Variants in CTCF observed in about 807,000 individuals in gnomAD.
CTCF encodes the protein transcriptional repressor CTCF.
In CTCF, 7 loss-of-function variants were observed where a neutral mutation model predicts 72.3. The observed-to-expected ratio is 0.10, with a 90% confidence interval of 0.06 to 0.18. The LOEUF (loss-of-function observed/expected upper bound fraction) is 0.18, where lower values mean the gene tolerates loss of function less well. Among genes scored for constraint, CTCF ranks in the 10% least tolerant of loss-of-function variants. The probability of loss-of-function intolerance (pLI) is 1.00; values close to 1 mark genes in which losing one functional copy is unlikely to be tolerated. For missense variants in CTCF, 516 were observed against 949.1 expected, an observed-to-expected ratio of 0.54 and a Z score of 6.00; for synonymous variants, 374 against 315.8, an observed-to-expected ratio of 1.18 and a Z score of -1.95.
intron 2 of CTCF, among the ~76,000 whole-genome samples, chr16:67,596,456 A>G (rs1487188553): frequency 1.3e-5 from 2 of 152,134 alleles, no homozygotes; most frequent in Admixed American, 6.6e-5. Context: ...TTTTACAGTT[A>G]TACATATGAT....
intron 5 of CTCF, among the ~76,000 whole-genome samples, chr16:67,620,385 G>C (rs1415652553): frequency 6.6e-6 from 1 of 151,932 alleles, no homozygotes. Flanking sequence ...ATTGTTAGTA[G>C]ATACGGGGTC....
chr16:67,604,876 AG>A (rs1247992036), intron 2 of CTCF, among the ~76,000 whole-genome samples: 1 of 151,240 alleles, frequency 6.6e-6, no homozygotes, highest in African/African-American at 2.4e-5. Context: ...TATATTCTAA[AG>A]ATAATCTGTC....
At chr16:67,582,404 G>A (rs764886887) in intron 2 of CTCF, among the ~76,000 whole-genome samples, 21 of 151,472 alleles carry the variant, frequency 1.4e-4, no homozygotes, top group Non-Finnish European at 2.2e-4. Flanking sequence ...TCTAAAATAC[G>A]AGCATTGGCC....
intron 10 of CTCF, 39 bp from the exon 11 acceptor site, chr16:67,636,651 C>T (rs768510962): frequency 2.8e-5 from 43 of 1,528,878 alleles, no homozygotes; most frequent in Non-Finnish European, 3.7e-5. Flanking sequence ...CCACCCTTCT[C>T]CTTGCCCCAC....
intron 2 of CTCF, among the ~76,000 whole-genome samples, chr16:67,605,847 G>A (rs1476188025): frequency 6.6e-6 from 1 of 152,180 alleles, no homozygotes; most frequent in African/African-American, 2.4e-5. Context: ...AGTAGGAACT[G>A]TGTCTGGATG....
rs1567616725 is a variant in CTCF, at chr16:67,629,745, C to CTTTTTTTTT, written c.1837+212_1837+213insTTTTTTTTT. On this transcript the variant is annotated intron_variant, in intron 10 of 11. Coordinates refer to ENST00000264010, the MANE Select transcript of CTCF (RefSeq NM_006565.4). ...TTCGTGGCATTCCGCTCATTAATGCCCTTTTTTTTTTTTTTTTTTTTTTTT... is the reference window on the plus strand; with the variant it reads ...TTCGTGGCATTCCGCTCATTAATGCCTTTTTTTTTCTTTTTTTTTTTTTTTTTTTTTTTT... Among the ~76,000 whole-genome samples the CTTTTTTTTT allele has an allele frequency of 2.1e-4, 18 of 85,064 alleles. 2 individuals are homozygous for CTTTTTTTTT. Among genetic ancestry groups the CTTTTTTTTT allele is most frequent in the South Asian group, 4.0e-4 (1 of 2,472 alleles). The allele number at this position is 85,064 out of a possible 152,430, so 55.8% of individuals were successfully genotyped here.
intron 2 of CTCF, among the ~76,000 whole-genome samples, chr16:67,583,067 C>T (rs1567595951): frequency 1.3e-5 from 2 of 150,916 alleles, no homozygotes; most frequent in African/African-American, 2.4e-5. Flanking sequence ...TCACTGCAAC[C>T]TCCGCCTCCC....
chr16:67,624,069 A>ATGTGTG lies in CTCF; in HGVS notation c.1357+2479_1357+2480insGTGTGT, dbSNP rs1482127509. On this transcript the variant is annotated intron_variant, in intron 7 of 11. Transcript: ENST00000264010. ...TCTCAAAAAAAAAAAAAAAAATTAT[A>ATGTGTG]TATGTGTGTGTGTGTGTGTGTGTGT... is the stretch of plus-strand genomic sequence containing the variant. Among the ~76,000 whole-genome samples, 256 of 91,444 alleles carry ATGTGTG rather than the reference A, an allele frequency of 2.8e-3. 1 individual carries two copies. Among genetic ancestry groups the ATGTGTG allele is most frequent in the East Asian group, 3.1e-3 (8 of 2,590 alleles). The allele number at this position is 91,444 out of a possible 152,430, so 60.0% of individuals were successfully genotyped here. A position where few individuals can be genotyped will look rare whatever the true frequency, so the allele number is the denominator to read the frequency against.
chr16:67,631,784 A>G (rs1408662828), intron 10 of CTCF, among the ~76,000 whole-genome samples: 1 of 142,526 alleles, frequency 7.0e-6, no homozygotes, highest in African/African-American at 2.6e-5. Context: ...TTAAGATGTC[A>G]ATTTGCAGCT....
intron 10 of CTCF, among the ~76,000 whole-genome samples, chr16:67,630,791 G>C (rs2052352579): frequency 6.6e-6 from 1 of 152,126 alleles, no homozygotes; most frequent in African/African-American, 2.4e-5. Context: ...CACAAAGAGG[G>C]TGGAGGAACA....
intron 5 of CTCF, among the ~76,000 whole-genome samples, chr16:67,617,607 G>A (rs963661186): frequency 6.6e-6 from 1 of 152,056 alleles, no homozygotes; most frequent in Non-Finnish European, 1.5e-5. Context: ...ACTTGAACCC[G>A]GGAGGTGGAG....
chr16:67,625,470 G>C (rs1437194838), intron 7 of CTCF, among the ~76,000 whole-genome samples: 1 of 152,210 alleles, frequency 6.6e-6, no homozygotes, highest in Non-Finnish European at 1.5e-5. Flanking sequence ...AAAGTGCTAG[G>C]ATTACAGGCG....
chr16:67,612,566 G>A (rs1390865879), intron 4 of CTCF: 1 of 152,182 alleles, frequency 6.6e-6, no homozygotes, highest in Non-Finnish European at 1.5e-5. Flanking sequence ...CTCCAGCCTG[G>A]GCGACAGTGC....
Position 67,622,712 on chromosome 16 carries a change from C to G in CTCF, c.1357+1121C>G, listed in dbSNP as rs2052218173. Among the ~76,000 whole-genome samples, 6 of 148,640 alleles carry G rather than the reference C, an allele frequency of 4.0e-5. No individual in the cohort carries two copies. In the South Asian group the frequency reaches 1.3e-3, roughly 32 times the overall value. Reference sequence around the variant, plus strand: ...AGGCTGGAGTATGATGGCATGAACTCAGCTCACTGCCACCTGTGCCTCCCA... The same window carrying G: ...AGGCTGGAGTATGATGGCATGAACTGAGCTCACTGCCACCTGTGCCTCCCA... On this transcript the variant is annotated intron_variant, in intron 7 of 11. Transcript: ENST00000264010.
intron 2 of CTCF, among the ~76,000 whole-genome samples, chr16:67,594,636 TC>T (rs1020218230): frequency 6.6e-6 from 1 of 152,134 alleles, no homozygotes; most frequent in African/African-American, 2.4e-5. Flanking sequence ...AAAGGTAAAT[TC>T]GTATACTTAG....
chr16:67,629,676 T>G, intron 10 of CTCF, 143 bp downstream of exon 10: 1 of 654,196 alleles, frequency 1.5e-6, no homozygotes, highest in Non-Finnish European at 2.3e-6. Context: ...AACGTCTATT[T>G]ACAACAGCAG....
chr16:67,599,343 C>T (rs1357270534), intron 2 of CTCF, among the ~76,000 whole-genome samples: 13 of 152,088 alleles, frequency 8.5e-5, no homozygotes, highest in East Asian at 7.7e-4. Context: ...TGCAGTGAGC[C>T]GAGGTCGTGC....
At chr16:67,569,234 T>C (rs1213686673) in intron 1 of CTCF, among the ~76,000 whole-genome samples, 1 of 152,102 alleles carries the variant, frequency 6.6e-6, no homozygotes, top group Non-Finnish European at 1.5e-5. Flanking sequence ...GTCGCCAGGC[T>C]GGAGTGCAGT....
At chr16:67,607,674 C>T (rs572826415) in intron 2 of CTCF, among the ~76,000 whole-genome samples, 400 of 152,010 alleles carry the variant, frequency 2.6e-3, no homozygotes, top group Non-Finnish European at 4.4e-3. Context: ...ATTATATATT[C>T]AATTTGGTTG....
Sources: allele counts gnomAD v4.1 joint callset (sites outside exome capture counted in the v4.1 genomes callset), GRCh38; gene constraint gnomAD v4.1.1; transcripts MANE v1.5; gene names NCBI Gene and HGNC (gene_info 2026-07-23, HGNC 2026-07-21).